Variants in TBC1D20 observed in about 807,000 individuals in gnomAD.
TBC1D20 encodes TBC1 domain family member 20, also known as chromosome 20 open reading frame 140.
A neutral mutation model predicts 41.6 loss-of-function variants in TBC1D20; 12 were observed. The observed-to-expected ratio is 0.29, with a 90% CI of 0.18 to 0.47. The LOEUF is 0.47. Among genes scored for constraint, TBC1D20 ranks in the 20% least tolerant of loss-of-function variants. The pLI, the probability that TBC1D20 is intolerant of heterozygous loss-of-function variation, is 1.00. For synonymous variants in TBC1D20, 205 were observed against 204.8 expected, an observed-to-expected ratio of 1.00 and a Z score of -0.01; for missense variants, 421 against 517.4, an observed-to-expected ratio of 0.81 and a Z score of 1.81.
intron 2 of TBC1D20, among the ~76,000 whole-genome samples, 171 bp from the exon 3 acceptor site, chr20:445,301 C>T (rs1050311198): frequency 1.3e-5 from 2 of 152,184 alleles, no homozygotes; most frequent in African/African-American, 4.8e-5. Context: ...TGGTTCCAAA[C>T]ATTATGTTTC....
At position 442,061 on chromosome 20, in the gene TBC1D20, G is replaced by A; in HGVS notation, c.338-18C>T. 1 of 1,600,656 alleles carries A rather than the reference G, an allele frequency of 6.2e-7. No homozygotes were observed. The highest frequency in any genetic ancestry group is 1.7e-5 in the Admixed American group (1 of 59,382). ...TGGCATGCCTGGGGACAGGAACAGAGATGCCTTTGAACATACCAAGCAGCC... is the reference window on the plus strand; with the variant it reads ...TGGCATGCCTGGGGACAGGAACAGAAATGCCTTTGAACATACCAAGCAGCC... On this transcript the variant is annotated intron_variant, in intron 3 of 7. Transcript: ENST00000354200.
chr20:440,299 A>G lies in TBC1D20; in HGVS notation c.717T>C (p.Tyr239=). The change falls in exon 6 of 8, where the codon TAT becomes TAC. Residue 239 remains tyrosine (Y), a synonymous_variant. Coordinates refer to ENST00000354200, the MANE Select transcript of TBC1D20 (RefSeq NM_144628.4). The stretch of plus-strand genomic sequence containing the variant: ...GTGGGTGGCAGGCCAGGAAGAAGTC[A>G]TATAACCGCACGACGTGCCTGAAGT... ...LSDFRHVVRL[Y]DFFLACHPLM... 20 of 1,614,134 alleles carry G rather than the reference A, an allele frequency of 1.2e-5. No individual in the cohort carries two copies. The highest frequency in any genetic ancestry group is 1.7e-5 in the Non-Finnish European group (20 of 1,180,020).
At chr20:457,877 A>G (rs560522632) in intron 1 of TBC1D20, among the ~76,000 whole-genome samples, 65 of 152,342 alleles carry the variant, frequency 4.3e-4, no homozygotes, top group African/African-American at 1.4e-3. Context: ...GCCTTTTTAT[A>G]TAACATCGGT....
intron 1 of TBC1D20, among the ~76,000 whole-genome samples, chr20:460,031 A>G (rs1212895464): frequency 1.3e-5 from 2 of 152,170 alleles, no homozygotes; most frequent in African/African-American, 2.4e-5. Context: ...ATATTTTTTC[A>G]TATCACCAAA....
At chr20:440,214 T>C in intron 6 of TBC1D20, 34 bp downstream of exon 6, 1 of 1,606,234 alleles carries the variant, frequency 6.2e-7, no homozygotes, top group African/African-American at 1.3e-5. Context: ...TGGGTGATGG[T>C]GAACCCAGCT....
At chr20:450,315 ATTT>A (rs576051908) in intron 1 of TBC1D20, among the ~76,000 whole-genome samples, 1,684 of 143,042 alleles carry the variant, frequency 0.012, 28 homozygotes, top group African/African-American at 0.039. Flanking sequence ...CGCTTTGCTA[ATTT>A]TTTTTTTTTT....
At position 438,671 on chromosome 20, in the gene TBC1D20, G is replaced by A. The variant is rs931946020; in HGVS notation, c.1127C>T (p.Thr376Ile). The stretch of plus-strand genomic sequence containing the variant: ...CAGTGCAGCCGCTCCAAGTGCCACT[G>A]TCAGCCCCATCACTGCCAATTTCAC... ...RFVKLAVMGL[T>I]VALGAAALAV... The change falls in exon 8 of 8, where the codon ACA (threonine) becomes ATA (isoleucine). Residue 376 changes from threonine to isoleucine, a missense_variant. Thr to Ile is a moderately conservative substitution (Grantham distance 89, BLOSUM62 -1). Coordinates refer to ENST00000354200, the MANE Select transcript of TBC1D20 (RefSeq NM_144628.4). 1 of 1,614,218 alleles carries A rather than the reference G, an allele frequency of 6.2e-7. No homozygotes were observed. The highest frequency in any genetic ancestry group is 8.5e-7 in the Non-Finnish European group (1 of 1,180,030).
intron 5 of TBC1D20, chr20:440,818 C>A (rs925408355): frequency 1.3e-5 from 2 of 158,946 alleles, no homozygotes; most frequent in Non-Finnish European, 2.8e-5. Context: ...CTGCCAGACA[C>A]GGTGAGTCAC....
At chr20:445,983 T>C (rs1379477115) in intron 2 of TBC1D20, among the ~76,000 whole-genome samples, 2 of 152,254 alleles carry the variant, frequency 1.3e-5, no homozygotes, top group Non-Finnish European at 1.5e-5. Context: ...CCAAGGATAA[T>C]AACAAGTGGC....
chr20:446,943 A>AGTTT (rs1491315984), intron 2 of TBC1D20, among the ~76,000 whole-genome samples: 2 of 75,890 alleles, frequency 2.6e-5, no homozygotes, highest in Non-Finnish European at 2.4e-5. Context: ...CAAAATACGC[A>AGTTT]TTTTTTTTTT....
Position 448,086 on chromosome 20 carries a change from GA to G in TBC1D20, c.71-13del, listed in dbSNP as rs756853620. 1.8e-5 allele frequency: 29 copies of G among 1,602,896 alleles called. No individual in the cohort carries two copies. The South Asian group carries it at 3.2e-4, about 18-fold the overall frequency. ...TTTGGCGTTAAAGTCTGAAGATAAG[GA>G]TAGGGAAGAATTAGGCGCACATTCA... On this transcript the variant is annotated splice_polypyrimidine_tract_variant and intron_variant, in intron 1 of 7. Coordinates refer to ENST00000354200, the MANE Select transcript of TBC1D20 (RefSeq NM_144628.4).
chr20:438,908 A>G (rs944651995), intron 7 of TBC1D20, 67 bp from the exon 8 acceptor site: 1 of 1,579,920 alleles, frequency 6.3e-7, no homozygotes, highest in Non-Finnish European at 8.6e-7. Flanking sequence ...AAACTACACC[A>G]CATAGGCTGC....
intron 1 of TBC1D20, among the ~76,000 whole-genome samples, chr20:449,285 T>TAAAAAA (rs1169245536): frequency 0.34 from 18,871 of 56,242 alleles, 3,661 homozygotes; most frequent in African/African-American, 0.4. Context: ...CCCAATACAT[T>TAAAAAA]AAAAAAAAAA....
At position 438,455 on chromosome 20, in the gene TBC1D20, G is replaced by T; in HGVS notation, c.*131C>A. ...CTGAAGTAAAGGCAAACACAAACGG[G>T]CAGGGCAGGGTGGCAGGAATAAAAA... On this transcript the variant is annotated 3_prime_UTR_variant, in exon 8 of 8. Coordinates refer to ENST00000354200, the MANE Select transcript of TBC1D20 (RefSeq NM_144628.4). The T allele has an allele frequency of 9.2e-7, 1 of 1,092,850 alleles. No individual in the cohort carries two copies. The highest frequency in any genetic ancestry group is 1.6e-5 in the African/African-American group (1 of 63,730). The allele number at this position is 1,092,850 out of a possible 1,614,324, so 67.7% of individuals were successfully genotyped here.
chr20:452,039 T>C (rs2017451751), intron 1 of TBC1D20, among the ~76,000 whole-genome samples: 1 of 152,214 alleles, frequency 6.6e-6, no homozygotes, highest in African/African-American at 2.4e-5. Flanking sequence ...CCGGGCACAG[T>C]GGTTCACACC....
At chr20:449,876 T>C (rs2017413354) in intron 1 of TBC1D20, among the ~76,000 whole-genome samples, 1 of 152,230 alleles carries the variant, frequency 6.6e-6, no homozygotes, top group South Asian at 2.1e-4. Context: ...AGATATACTG[T>C]GTAAGTAACA....
Position 438,365 on chromosome 20 carries a change from A to G in TBC1D20, c.*221T>C, listed in dbSNP as rs747679560. Reference sequence around the variant, plus strand: ...AGCCCATCCAAAAGCCCACTGGGAGAGGCATAAGATTCTGTGCCAGGCCCC... The same window carrying G: ...AGCCCATCCAAAAGCCCACTGGGAGGGGCATAAGATTCTGTGCCAGGCCCC... On this transcript the variant is annotated 3_prime_UTR_variant, in exon 8 of 8. Transcript: ENST00000354200. The G allele has an allele frequency of 1.1e-5, 6 of 550,648 alleles. No homozygotes were observed. Among genetic ancestry groups the G allele is most frequent in the African/African-American group, 1.9e-5 (1 of 52,908 alleles). The allele number at this position is 550,648 out of a possible 1,614,324, so 34.1% of individuals were successfully genotyped here.
intron 1 of TBC1D20, among the ~76,000 whole-genome samples, chr20:448,851 T>TA (rs1327160308): frequency 2.7e-5 from 4 of 146,402 alleles, no homozygotes; most frequent in Admixed American, 2.7e-4. Context: ...CTTTTTTTTT[T>TA]TTTTTTTTTT....
At chr20:459,024 G>A (rs2017587667) in intron 1 of TBC1D20, among the ~76,000 whole-genome samples, 1 of 152,148 alleles carries the variant, frequency 6.6e-6, no homozygotes, top group South Asian at 2.1e-4. Flanking sequence ...CCAACTAAAT[G>A]TATAGGCTCT....
Sources: allele counts gnomAD v4.1 joint callset (sites outside exome capture counted in the v4.1 genomes callset), GRCh38; gene constraint gnomAD v4.1.1; transcripts MANE v1.5; gene names NCBI Gene and HGNC (gene_info 2026-07-23, HGNC 2026-07-21).